PTPRJ: variants seen among roughly 807,000 people sequenced by gnomAD.
PTPRJ encodes protein tyrosine phosphatase receptor type J, also known as receptor-type tyrosine-protein phosphatase eta.
A neutral mutation model predicts 141.3 loss-of-function variants in PTPRJ; 129 were observed. The ratio of observed to expected loss-of-function variants is 0.91; its 90% CI spans 0.79 to 1.06. The LOEUF (loss-of-function observed/expected upper bound fraction) is 1.06, where lower values mean the gene tolerates loss of function less well. PTPRJ is among the 50% of genes least tolerant of loss of function. The pLI is 0.00. For synonymous variants in PTPRJ, 610 were observed against 640.5 expected (o/e 0.95, Z 0.72); for missense variants, 1,601 against 1,679.7 (o/e 0.95, Z 0.82).
At chr11:48,126,890 G>C (rs980131458) in intron 6 of PTPRJ, among the ~76,000 whole-genome samples, 7 of 152,044 alleles carry the variant, frequency 4.6e-5, no homozygotes, top group Non-Finnish European at 1.0e-4. Flanking sequence ...GTGGGGCAGG[G>C]TTAAGGAAAC....
intron 1 of PTPRJ, among the ~76,000 whole-genome samples, chr11:48,101,011 G>T (rs915836968): frequency 1.3e-5 from 2 of 152,130 alleles, no homozygotes; most frequent in Non-Finnish European, 2.9e-5. Context: ...CTGAGAGTGG[G>T]TAAGGGGCTT....
intron 1 of PTPRJ, among the ~76,000 whole-genome samples, chr11:47,981,370 G>T (rs1214988419): frequency 4.6e-5 from 7 of 152,158 alleles, no homozygotes; most frequent in Non-Finnish European, 8.8e-5. Flanking sequence ...GAGGGGGCGT[G>T]TTTGCGGAGG....
intron 1 of PTPRJ, among the ~76,000 whole-genome samples, chr11:48,029,863 T>A (rs1853933156): frequency 6.6e-6 from 1 of 152,196 alleles, no homozygotes. Flanking sequence ...CAGTACTGTT[T>A]TCTACTTGAA....
chr11:48,022,967 G>T (rs1009200493), intron 1 of PTPRJ, among the ~76,000 whole-genome samples: 3 of 152,098 alleles, frequency 2.0e-5, no homozygotes, highest in Non-Finnish European at 4.4e-5. Flanking sequence ...CAAGTCACAC[G>T]GTGCAGGATG....
At position 48,153,905 on chromosome 11, in the gene PTPRJ, A is replaced by G. The variant is rs759072501; in HGVS notation, c.3229+19A>G. 7 of 1,535,754 alleles carry G rather than the reference A, an allele frequency of 4.6e-6. No homozygotes were observed. In the East Asian group the frequency reaches 1.6e-4, roughly 35 times the overall value. On this transcript the variant is annotated intron_variant, in intron 19 of 24. Transcript: ENST00000418331. ...CTGCCCTGTAAGTTATTTTATCTAC[A>G]GCATCTTCTCTGTGTTCCATCAGTG...
chr11:48,045,988 C>T (rs1854383475), intron 1 of PTPRJ, among the ~76,000 whole-genome samples: 1 of 152,090 alleles, frequency 6.6e-6, no homozygotes, highest in South Asian at 2.1e-4. Flanking sequence ...TAAGGGGTGA[C>T]TTGCTACCTT....
intron 22 of PTPRJ, among the ~76,000 whole-genome samples, chr11:48,161,664 G>C (rs1857781828): frequency 6.6e-6 from 1 of 151,974 alleles, no homozygotes; most frequent in East Asian, 1.9e-4. Context: ...CCAGGCTGGA[G>C]TGCAGTAGCA....
intron 1 of PTPRJ, among the ~76,000 whole-genome samples, chr11:48,108,492 A>G (rs182682570): frequency 5.3e-5 from 8 of 152,356 alleles, no homozygotes; most frequent in African/African-American, 1.4e-4. Context: ...CAAGGGATGT[A>G]GAAAGCCCAG....
chr11:47,993,356 G>A (rs1565247521), intron 1 of PTPRJ, among the ~76,000 whole-genome samples: 1 of 152,076 alleles, frequency 6.6e-6, no homozygotes, highest in Non-Finnish European at 1.5e-5. Context: ...GCAGTGTTGC[G>A]ATCTCGGCTC....
Position 48,136,049 on chromosome 11 carries a change from A to T in PTPRJ, c.1626A>T (p.Ala542=), listed in dbSNP as rs1857093660. ...CTTTCTTCTGAGCAGTTCCCAGTGC[A>T]GTGTTTGACATCCACGTGGTCTACG... ...RTVCNRTVPS[A]VFDIHVVYVT... Residue 542 remains alanine, a synonymous_variant, in exon 9 of 25, where the codon GCA becomes GCT. Transcript: ENST00000418331. 13 of 1,613,852 alleles carry T rather than the reference A, an allele frequency of 8.1e-6. No individual in the cohort carries two copies. The highest frequency in any genetic ancestry group is 1.0e-5 in the Non-Finnish European group (12 of 1,179,916).
At chr11:47,989,015 C>T (rs1854123159) in intron 1 of PTPRJ, among the ~76,000 whole-genome samples, 1 of 149,240 alleles carries the variant, frequency 6.7e-6, no homozygotes, top group African/African-American at 2.5e-5. Flanking sequence ...TCCCGAGTAG[C>T]TGGGACTACA....
In PTPRJ at chr11:48,082,639, G is replaced by A. The variant is rs527688581; in HGVS notation, c.97-27419G>A. Reference sequence around the variant, plus strand: ...TTGCTATTTTTTTTTTTTTAATGGCGATGTAGTAATCTTGCTTTGTTGCCC... The same window carrying A: ...TTGCTATTTTTTTTTTTTTAATGGCAATGTAGTAATCTTGCTTTGTTGCCC... On this transcript the variant is annotated intron_variant, in intron 1 of 24. Coordinates refer to ENST00000418331, the MANE Select transcript of PTPRJ (RefSeq NM_002843.4). 3.4e-3 allele frequency among the ~76,000 whole-genome samples: 511 copies of A among 148,646 alleles called. 8 individuals carry two copies. Among genetic ancestry groups the A allele is most frequent in the South Asian group, 0.018 (87 of 4,704 alleles).
At chr11:48,103,497 AAAAC>A (rs1329058485) in intron 1 of PTPRJ, among the ~76,000 whole-genome samples, 3 of 152,140 alleles carry the variant, frequency 2.0e-5, no homozygotes, top group African/African-American at 4.8e-5. Flanking sequence ...ATTAAAAAAC[AAAAC>A]AAACCAAAAA....
intron 3 of PTPRJ, among the ~76,000 whole-genome samples, chr11:48,119,018 C>CAAAA (rs59349969): frequency 2.0e-4 from 17 of 87,014 alleles, no homozygotes; most frequent in South Asian, 1.5e-3. Context: ...GACTTCGTCT[C>CAAAA]AAAAAAAAAA....
At chr11:48,135,733 T>C (rs1277895375) in intron 8 of PTPRJ, among the ~76,000 whole-genome samples, 2 of 152,176 alleles carry the variant, frequency 1.3e-5, no homozygotes, top group African/African-American at 4.8e-5. Flanking sequence ...CCATCTCGGC[T>C]TCCCAAAATG....
chr11:48,013,828 A>G (rs138787709), intron 1 of PTPRJ, among the ~76,000 whole-genome samples: 146 of 152,184 alleles, frequency 9.6e-4, no homozygotes, highest in Non-Finnish European at 1.3e-3. Context: ...ACCCACTTCA[A>G]AGAAAGTGCT....
chr11:47,988,967 T>C (rs1854121824), intron 1 of PTPRJ, among the ~76,000 whole-genome samples: 1 of 136,132 alleles, frequency 7.3e-6, no homozygotes, highest in Admixed American at 8.2e-5. Context: ...CACTGCAAGC[T>C]CCGCCTCCCA....
chr11:47,985,753 T>A (rs747272033), intron 1 of PTPRJ, among the ~76,000 whole-genome samples: 11 of 152,088 alleles, frequency 7.2e-5, no homozygotes, highest in Non-Finnish European at 1.2e-4. Flanking sequence ...TGGGCTGGAG[T>A]GCTGTGGCAC....
chr11:48,145,869 ATTT>A (rs1857338548), intron 14 of PTPRJ, among the ~76,000 whole-genome samples: 1 of 151,728 alleles, frequency 6.6e-6, no homozygotes, highest in East Asian at 1.9e-4. Context: ...TATTTATTTT[ATTT>A]TTGAGACGGA....
Sources: allele counts gnomAD v4.1 joint callset (sites outside exome capture counted in the v4.1 genomes callset), GRCh38; gene constraint gnomAD v4.1.1; transcripts MANE v1.5; gene names NCBI Gene and HGNC (gene_info 2026-07-23, HGNC 2026-07-21).